SYT1: variants seen among roughly 807,000 people sequenced by gnomAD.
The protein encoded by SYT1 is synaptotagmin 1.
SYT1 carries 8 observed loss-of-function variants against 44.8 expected under a neutral mutation model. The ratio of observed to expected loss-of-function variants is 0.18; its 90% confidence interval spans 0.10 to 0.32. SYT1 has a LOEUF of 0.32. SYT1 is among the 10% of genes least tolerant of loss of function. SYT1 has a pLI of 1.00. For synonymous variants in SYT1, 154 were observed against 188.8 expected, an observed-to-expected ratio of 0.82 and a Z score of 1.51; for missense variants, 286 against 509.3, an observed-to-expected ratio of 0.56 and a Z score of 4.22.
At chr12:79,353,803 G>T (rs1416819041) in intron 9 of SYT1, among the ~76,000 whole-genome samples, 184 bp downstream of exon 9, 1 of 152,138 alleles carries the variant, frequency 6.6e-6, no homozygotes, top group African/African-American at 2.4e-5. Flanking sequence ...CAATTCATAG[G>T]AATTAGCATA....
chr12:79,244,325 C>T (rs148088303), intron 4 of SYT1, among the ~76,000 whole-genome samples: 1 of 152,304 alleles, frequency 6.6e-6, no homozygotes, highest in Non-Finnish European at 1.5e-5. Context: ...CACATGATTT[C>T]TTTCATAGTT....
At position 79,016,350 on chromosome 12, in the gene SYT1, C is replaced by T. The variant is rs180876646; in HGVS notation, c.-83-30947C>T. Among the ~76,000 whole-genome samples the T allele has an allele frequency of 2.9e-4, 44 of 152,244 alleles. 1 individual carries two copies. The highest frequency in any genetic ancestry group is 1.4e-3 in the South Asian group (7 of 4,828). On this transcript the variant is annotated intron_variant, in intron 2 of 10. Transcript: ENST00000261205. ...ATTAAGGCTGTGTCTAGTGTGTTTC[C>T]ATAAGCATTATGCTTTCCTTTGGAG...
chr12:79,052,699 T>C (rs1450269984), intron 3 of SYT1, among the ~76,000 whole-genome samples: 1 of 152,032 alleles, frequency 6.6e-6, no homozygotes, highest in Non-Finnish European at 1.5e-5. Flanking sequence ...GGGTGAAGGA[T>C]ATGAACAGAC....
intron 3 of SYT1, among the ~76,000 whole-genome samples, chr12:79,056,220 A>G (rs1000447681): frequency 3.3e-5 from 5 of 152,058 alleles, no homozygotes; most frequent in African/African-American, 1.2e-4. Flanking sequence ...AGAAGTCTAG[A>G]TGGAATAAAG....
At chr12:79,295,540 C>T (rs1879838381) in intron 6 of SYT1, among the ~76,000 whole-genome samples, 1 of 152,092 alleles carries the variant, frequency 6.6e-6, no homozygotes, top group Non-Finnish European at 1.5e-5. Flanking sequence ...GTCTGCACAC[C>T]AGTGAAGGTC....
chr12:79,423,197 T>C (rs908047437), intron 9 of SYT1, among the ~76,000 whole-genome samples: 5 of 152,150 alleles, frequency 3.3e-5, no homozygotes, highest in Non-Finnish European at 7.4e-5. Flanking sequence ...CCCACACATG[T>C]GTGCACACGT....
At position 79,373,425 on chromosome 12, in the gene SYT1, T is replaced by C. The variant is rs145205293; in HGVS notation, c.928+19806T>C. ...TAAAGCAAAAGTAAACATTTTACAA[T>C]TTGCTTTATGAATGATAAAAATGTT... On this transcript the variant is annotated intron_variant, in intron 9 of 10. Transcript: ENST00000261205. Among the ~76,000 whole-genome samples the C allele has an allele frequency of 2.8e-3, 425 of 152,336 alleles. 4 individuals are homozygous for C. Among genetic ancestry groups the C allele is most frequent in the African/African-American group, 9.5e-3 (396 of 41,588 alleles).
intron 3 of SYT1, among the ~76,000 whole-genome samples, chr12:79,180,401 T>C (rs1352102507): frequency 2.0e-5 from 3 of 152,034 alleles, no homozygotes; most frequent in Non-Finnish European, 4.4e-5. Flanking sequence ...TATGTAATCA[T>C]TTAAAGCTTT....
chr12:78,971,957 T>C (rs934996966), intron 1 of SYT1, among the ~76,000 whole-genome samples: 5 of 152,112 alleles, frequency 3.3e-5, no homozygotes, highest in African/African-American at 1.2e-4. Context: ...TACAAAATAT[T>C]TCAGGAGGTT....
chr12:79,117,668 T>C (rs1310275946), intron 3 of SYT1, among the ~76,000 whole-genome samples: 1 of 22,058 alleles, frequency 4.5e-5, no homozygotes, highest in Non-Finnish European at 8.1e-5. Flanking sequence ...ACATCATATA[T>C]ATATATATAT....
chr12:79,338,133 T>C (rs1001592561), intron 8 of SYT1, among the ~76,000 whole-genome samples: 2 of 152,194 alleles, frequency 1.3e-5, no homozygotes, highest in African/African-American at 2.4e-5. Context: ...CCTGGATTCC[T>C]ACTTAGCCCT....
intron 3 of SYT1, among the ~76,000 whole-genome samples, chr12:79,167,275 GA>G (rs1325524499): frequency 1.3e-5 from 2 of 151,994 alleles, no homozygotes; most frequent in Admixed American, 6.6e-5. Context: ...AGATATAAAG[GA>G]AATAAACCCA....
At chr12:79,278,941 C>G (rs1009314232) in intron 4 of SYT1, among the ~76,000 whole-genome samples, 1 of 151,562 alleles carries the variant, frequency 6.6e-6, no homozygotes, top group African/African-American at 2.4e-5. Flanking sequence ...TATAGCCCCC[C>G]CAAGCCTGAA....
At chr12:79,257,242 A>G (rs1007664294) in intron 4 of SYT1, among the ~76,000 whole-genome samples, 1 of 152,236 alleles carries the variant, frequency 6.6e-6, no homozygotes, top group Non-Finnish European at 1.5e-5. Context: ...GTCAACCTGT[A>G]TCCTTCTCAT....
intron 1 of SYT1, among the ~76,000 whole-genome samples, chr12:78,946,932 T>G (rs1029526269): frequency 6.6e-6 from 1 of 152,200 alleles, no homozygotes; most frequent in Non-Finnish European, 1.5e-5. Context: ...TGGATCAGAA[T>G]GCAGTATACA....
At chr12:79,091,363 A>C (rs996425391) in intron 3 of SYT1, among the ~76,000 whole-genome samples, 2 of 152,020 alleles carry the variant, frequency 1.3e-5, no homozygotes, top group African/African-American at 4.8e-5. Flanking sequence ...TGGTGTAAGC[A>C]AACAAGTTTT....
At chr12:79,136,092 G>T (rs1869172814) in intron 3 of SYT1, among the ~76,000 whole-genome samples, 1 of 152,124 alleles carries the variant, frequency 6.6e-6, no homozygotes, top group Admixed American at 6.6e-5. Context: ...AGATGTCTAT[G>T]TTAGAATAAA....
In SYT1 at chr12:79,444,072, G is replaced by C; in HGVS notation, c.929-1G>C. The C allele has an allele frequency of 6.2e-7, 1 of 1,612,618 alleles. No individual in the cohort carries two copies. Among genetic ancestry groups the C allele is most frequent in the Non-Finnish European group, 8.5e-7 (1 of 1,179,340 alleles). On this transcript the variant is annotated splice_acceptor_variant, in intron 9 of 10. Coordinates refer to ENST00000261205, the MANE Select transcript of SYT1 (RefSeq NM_005639.3). LOFTEE classifies it high-confidence loss of function. Reference sequence around the variant, plus strand: ...AAGTTTGTTTCCTGTTTTTCATTCAGATCCTTATGTGAAGATTCATCTGAT... The same window carrying C: ...AAGTTTGTTTCCTGTTTTTCATTCACATCCTTATGTGAAGATTCATCTGAT...
chr12:79,290,796 C>A (rs1879544675), intron 5 of SYT1, among the ~76,000 whole-genome samples: 1 of 151,976 alleles, frequency 6.6e-6, no homozygotes, highest in South Asian at 2.1e-4. Flanking sequence ...AGAGCCTTTG[C>A]AAATCAATAA....
Sources: allele counts gnomAD v4.1 joint callset (sites outside exome capture counted in the v4.1 genomes callset), GRCh38; gene constraint gnomAD v4.1.1; transcripts MANE v1.5; gene names NCBI Gene and HGNC (gene_info 2026-07-23, HGNC 2026-07-21).